The following CAND2 variants were observed in gnomAD, a reference collection of about 807,000 sequenced individuals.
The protein encoded by CAND2 is cullin associated and neddylation dissociated 2 (putative), also known as cullin-associated NEDD8-dissociated protein 2.
CAND2 carries 62 observed loss-of-function variants against 98.9 expected under a neutral mutation model. The ratio of observed to expected loss-of-function variants is 0.63; its 90% CI spans 0.51 to 0.77. The LOEUF is 0.77. Ranked by LOEUF, CAND2 falls within the 30% of genes least tolerant of loss-of-function variation. CAND2 has a pLI of 0.00. For missense variants in CAND2, 1,501 were observed against 1,655.2 expected, an observed-to-expected ratio of 0.91 and a Z score of 1.62; for synonymous variants, 770 against 731.9, an observed-to-expected ratio of 1.05 and a Z score of -0.84.
chr3:12,803,213 T>C (rs959043027), intron 1 of CAND2, among the ~76,000 whole-genome samples: 1 of 152,106 alleles, frequency 6.6e-6, no homozygotes, highest in African/African-American at 2.4e-5. Context: ...AGGATGGTCT[T>C]GATCTCCTGA....
At chr3:12,831,792 CT>C (rs1239509275) in intron 14 of CAND2, among the ~76,000 whole-genome samples, 2 of 152,242 alleles carry the variant, frequency 1.3e-5, no homozygotes, top group East Asian at 1.9e-4. Flanking sequence ...GGCTACACAG[CT>C]AGTAAATTGC....
In CAND2 at chr3:12,813,349, G is replaced by A. The variant is rs761315087; in HGVS notation, c.967G>A (p.Glu323Lys). ...NYNYDSDEDE[E>K]QMETEDSEFS... ...CAACTACGACAGTGATGAGGATGAG[G>A]AGCAGATGGAGACAGAGGATAGTGA... Residue 323 changes from glutamate to lysine, a missense_variant, in exon 7 of 15, where the codon GAG becomes AAG. Glu to Lys is a moderately conservative substitution (Grantham distance 56). Transcript: ENST00000456430. The A allele has an allele frequency of 3.5e-5, 56 of 1,614,016 alleles. No homozygotes were observed. Among genetic ancestry groups the A allele is most frequent in the Admixed American group, 5.0e-5 (3 of 60,000 alleles).
rs781022896 is a variant in CAND2 at position 12,796,735 on chromosome 3, C to A, written c.15C>A (p.Ala5=). 5 of 1,588,250 alleles carry A rather than the reference C, an allele frequency of 3.1e-6. No homozygotes were observed. The highest frequency in any genetic ancestry group is 2.3e-5 in the East Asian group (1 of 43,542). Residue 5 remains alanine, a synonymous_variant, in exon 1 of 15, where the codon GCC becomes GCA. Coordinates refer to ENST00000456430, the MANE Select transcript of CAND2 (RefSeq NM_001162499.2). Reference sequence around the variant, plus strand: ...GCGCAGCCACCATGAGCACCGCCGCCTTCCACATCTCCAGCCTCCTGGAGA... The same window carrying A: ...GCGCAGCCACCATGAGCACCGCCGCATTCCACATCTCCAGCCTCCTGGAGA... MSTA[A]FHISSLLEKM...
At position 12,796,754 on chromosome 3, in the gene CAND2, CT is replaced by C; in HGVS notation, c.35del (p.Leu12ArgfsTer4). On this transcript the variant is annotated frameshift_variant, in exon 1 of 15. Coordinates refer to ENST00000456430, the MANE Select transcript of CAND2 (RefSeq NM_001162499.2). LOFTEE classifies it high-confidence loss of function. ...STAAFHISSL[L>X]EKMTSSDKDF... ...CGCCGCCTTCCACATCTCCAGCCTC[CT>C]GGAGAAGATGACGTCCAGCGACAAG... 1 of 1,590,498 alleles carries C rather than the reference CT, an allele frequency of 6.3e-7. No homozygotes were observed. Among genetic ancestry groups the C allele is most frequent in the Non-Finnish European group, 8.6e-7 (1 of 1,168,454 alleles).
At chr3:12,825,396 T>C in intron 11 of CAND2, 74 bp from the exon 12 acceptor site, 1 of 1,424,544 alleles carries the variant, frequency 7.0e-7, no homozygotes, top group South Asian at 1.3e-5. Flanking sequence ...AGTAACCAGA[T>C]GGCCGGGGTG....
chr3:12,815,966 C>G lies in CAND2; in HGVS notation c.1399C>G (p.Leu467Val). The G allele has an allele frequency of 6.2e-7, 1 of 1,613,936 alleles. No individual in the cohort carries two copies. The highest frequency in any genetic ancestry group is 8.5e-7 in the Non-Finnish European group (1 of 1,179,962). Residue 467 changes from leucine (L) to valine (V), a missense_variant, in exon 9 of 15, where the codon CTC (leucine) becomes GTC (valine). This residue lies in a region of CAND2 where 1,427 missense variants were observed against 1,545.3 expected (regional missense o/e 0.92). Transcript: ENST00000456430. This position sits in a 1 kb window ranked among gnomAD's most constrained non-coding sequence, Gnocchi z 5.7. ...CCTCCTCACCGAGCTGGCGGGTGTC[C>G]TCCCAGGCAGCCTGGCCGAGCATAT... ...FSLLTELAGV[L>V]PGSLAEHMPV...
chr3:12,800,147 T>C (rs1390224449), intron 1 of CAND2, among the ~76,000 whole-genome samples: 1 of 152,224 alleles, frequency 6.6e-6, no homozygotes, highest in Non-Finnish European at 1.5e-5. Context: ...TCCTTCACTT[T>C]ACCTTTGCCC....
rs202242638 is a variant in CAND2, at chr3:12,820,184, G to A, written c.3040+3G>A. ...CCCCCTCCTGAAGAGCTTCATCGGTGAGCACCTACCTCTTGCCCCTCCACC... is the reference window on the plus strand; with the variant it reads ...CCCCCTCCTGAAGAGCTTCATCGGTAAGCACCTACCTCTTGCCCCTCCACC... On this transcript the variant is annotated splice_donor_region_variant and intron_variant, in intron 11 of 14. Coordinates refer to ENST00000456430, the MANE Select transcript of CAND2 (RefSeq NM_001162499.2). 4.3e-6 allele frequency: 7 copies of A among 1,610,958 alleles called. No individual in the cohort carries two copies. In the African/African-American group the frequency reaches 8.0e-5, roughly 18 times the overall value.
At chr3:12,809,902 T>G in intron 4 of CAND2, 157 bp from the exon 5 acceptor site, 1 of 779,832 alleles carries the variant, frequency 1.3e-6, no homozygotes, top group Non-Finnish European at 1.9e-6. Context: ...GTAATTAAAA[T>G]AATTCCTCCT....
intron 5 of CAND2, among the ~76,000 whole-genome samples, chr3:12,812,662 C>G (rs901277262): frequency 6.6e-6 from 1 of 151,968 alleles, no homozygotes; most frequent in Non-Finnish European, 1.5e-5. Context: ...CCTCGGCCTC[C>G]CATAGTGCTG....
At chr3:12,812,239 TTG>T (rs1553637858) in intron 5 of CAND2, among the ~76,000 whole-genome samples, 2,012 of 137,374 alleles carry the variant, frequency 0.015, 76 homozygotes, top group African/African-American at 0.054. Flanking sequence ...TTTTTTTTTT[TTG>T]GAGATAGAAT....
At chr3:12,820,522 T>C (rs560652308) in intron 11 of CAND2, among the ~76,000 whole-genome samples, 5 of 152,304 alleles carry the variant, frequency 3.3e-5, no homozygotes, top group East Asian at 3.9e-4. Flanking sequence ...CATCAACATA[T>C]AGACTCTTGG....
intron 11 of CAND2, among the ~76,000 whole-genome samples, chr3:12,821,016 C>G (rs2061953223): frequency 6.6e-6 from 1 of 152,114 alleles, no homozygotes; most frequent in Non-Finnish European, 1.5e-5. Flanking sequence ...GGTGGATCAC[C>G]TGAGGTCAGG....
chr3:12,812,125 T>A (rs2061856037), intron 5 of CAND2, among the ~76,000 whole-genome samples: 3 of 150,562 alleles, frequency 2.0e-5, no homozygotes, highest in Non-Finnish European at 4.4e-5. Context: ...GCCAAGCTGG[T>A]CTCGAACTCC....
At chr3:12,831,626 G>T in intron 14 of CAND2, 54 bp downstream of exon 14, 4 of 988,690 alleles carry the variant, frequency 4.0e-6, no homozygotes, top group Non-Finnish European at 5.7e-6. Flanking sequence ...TGGAGTCCTC[G>T]GCCAGTCGTT....
At chr3:12,799,605 A>G (rs749922946) in intron 1 of CAND2, among the ~76,000 whole-genome samples, 2 of 151,644 alleles carry the variant, frequency 1.3e-5, no homozygotes, top group Non-Finnish European at 2.9e-5. Flanking sequence ...CTCTCTCACT[A>G]CCTCTCCTCC....
At chr3:12,813,892 A>T (rs1338270206) in intron 7 of CAND2, among the ~76,000 whole-genome samples, 1 of 152,188 alleles carries the variant, frequency 6.6e-6, no homozygotes, top group Non-Finnish European at 1.5e-5. Context: ...CTTTCCTCCT[A>T]TGCCTGTGGT....
chr3:12,813,575 T>C (rs1001853144), intron 7 of CAND2, among the ~76,000 whole-genome samples, 187 bp downstream of exon 7: 2 of 152,196 alleles, frequency 1.3e-5, no homozygotes, highest in African/African-American at 2.4e-5. Flanking sequence ...CTGTCATTTA[T>C]TGAGCATCTA....
chr3:12,829,927 AT>A (rs1427944595), intron 13 of CAND2, among the ~76,000 whole-genome samples: 7 of 152,212 alleles, frequency 4.6e-5, no homozygotes, highest in Non-Finnish European at 8.8e-5. Context: ...CATGTATGTT[AT>A]TTGCACATTT....
Sources: allele counts gnomAD v4.1 joint callset (sites outside exome capture counted in the v4.1 genomes callset), GRCh38; gene constraint gnomAD v4.1.1; regional missense constraint gnomAD v4.1.1; non-coding constraint Gnocchi (gnomAD v3.1); transcripts MANE v1.5; gene names NCBI Gene and HGNC (gene_info 2026-07-23, HGNC 2026-07-21).